Variants in PLA2R1 observed in about 807,000 individuals in gnomAD.
The protein encoded by PLA2R1 is secretory phospholipase A2 receptor.
Under a neutral mutation model 195.9 loss-of-function variants are expected in PLA2R1, and 158 were observed. The ratio of observed to expected loss-of-function variants is 0.81; its 90% confidence interval spans 0.71 to 0.92. The LOEUF (loss-of-function observed/expected upper bound fraction) is 0.92. PLA2R1 is among the 40% of genes least tolerant of loss of function. PLA2R1 has a pLI of 0.00. For missense variants in PLA2R1, 1,626 were observed against 1,764.6 expected (o/e 0.92, Z 1.41); for synonymous variants, 586 against 598.2 (o/e 0.98, Z 0.30).
chr2:159,958,687 A>T (rs1340408474), intron 20 of PLA2R1, among the ~76,000 whole-genome samples: 1 of 152,212 alleles, frequency 6.6e-6, no homozygotes, highest in South Asian at 2.1e-4. Flanking sequence ...AATTTAGCTC[A>T]GTGGTTCTCC....
rs1012227876 is a variant in PLA2R1, at chr2:159,937,681, C to T, written c.*4097G>A. ...AGCTTGTTCTCTGACAATAGTCAGG[C>T]AGTGGATGAGATAAATTTTCAAATG... On this transcript the variant is annotated 3_prime_UTR_variant, in exon 30 of 30. Transcript: ENST00000283243. 6.6e-6 allele frequency: 1 copy of T among 152,190 alleles called. No individual in the cohort carries two copies. Among genetic ancestry groups the T allele is most frequent in the Non-Finnish European group, 1.5e-5 (1 of 68,028 alleles). The allele number at this position is 152,190 out of a possible 1,614,324, so 9.4% of individuals were successfully genotyped here.
chr2:159,929,872 G>GTGTA (rs147413130), downstream of PLA2R1, among the ~76,000 whole-genome samples: 48 of 148,232 alleles, frequency 3.2e-4, no homozygotes, highest in South Asian at 1.7e-3. Context: ...GTGTGTGTGT[G>GTGTA]TATATATATA....
At chr2:160,062,261 G>T in intron 1 of PLA2R1, 34 bp downstream of exon 1, 2 of 663,742 alleles carry the variant, frequency 3.0e-6, no homozygotes, top group Non-Finnish European at 4.2e-6. Context: ...CCTCCCCAAC[G>T]TACCGATCCA....
intron 1 of PLA2R1, among the ~76,000 whole-genome samples, chr2:160,047,081 G>A (rs547812155): frequency 1.5e-4 from 23 of 152,238 alleles, no homozygotes; most frequent in African/African-American, 4.6e-4. Context: ...GCTCTGCAAC[G>A]TACTGACTGT....
intron 17 of PLA2R1, among the ~76,000 whole-genome samples, chr2:159,972,590 A>G (rs374437001): frequency 1.6e-4 from 25 of 152,320 alleles, no homozygotes; most frequent in African/African-American, 5.8e-4. Flanking sequence ...ATGACAAATG[A>G]TATTTTGGAG....
At chr2:160,013,701 C>G (rs1242332319) in intron 9 of PLA2R1, among the ~76,000 whole-genome samples, 3,537 of 130,062 alleles carry the variant, frequency 0.027, 75 homozygotes, top group Non-Finnish European at 0.035. Context: ...CTCTCTCTCT[C>G]TGTCTCTCTC....
Position 159,952,251 on chromosome 2 carries a change from A to G in PLA2R1, c.3302-673T>C, listed in dbSNP as rs543167684. ...ACGTTGTCAAGCATTGGTGCTTGAGAGTCTGTGAGTGGCTGTGATCATGTG... is the reference window on the plus strand; with the variant it reads ...ACGTTGTCAAGCATTGGTGCTTGAGGGTCTGTGAGTGGCTGTGATCATGTG... On this transcript the variant is annotated intron_variant, in intron 23 of 29. Transcript: ENST00000283243. Among the ~76,000 whole-genome samples, 4 of 152,308 alleles carry G rather than the reference A, an allele frequency of 2.6e-5. No individual in the cohort carries two copies. The South Asian group carries it at 8.3e-4, about 32-fold the overall frequency.
At chr2:160,045,200 A>G (rs1467379224) in intron 1 of PLA2R1, 43 bp from the exon 2 acceptor site, 4 of 1,457,706 alleles carry the variant, frequency 2.7e-6, no homozygotes, top group Non-Finnish European at 3.8e-6. Flanking sequence ...TTTCATATAT[A>G]ATTAACTAGC....
intron 10 of PLA2R1, among the ~76,000 whole-genome samples, chr2:160,007,130 C>T (rs879414508): frequency 3.4e-4 from 52 of 152,204 alleles, no homozygotes; most frequent in Non-Finnish European, 7.2e-4. Context: ...ATCATACTGG[C>T]AGAACCTTAT....
rs777177282 is a variant in PLA2R1 at position 159,969,329 on chromosome 2, CT to C, written c.2690del (p.Gln897ArgfsTer11). The C allele has an allele frequency of 1.2e-5, 19 of 1,606,000 alleles. 1 individual carries two copies. In the South Asian group the frequency reaches 2.1e-4, roughly 18 times the overall value. ...RWRDGTPVIY[Q>X]NWDTGRERTV... ...TTCTTTCTCTTCCTGTGTCCCAGTT[CT>C]GGTATATCACTGGTGTTCCATCTCT... is the stretch of plus-strand genomic sequence containing the variant. On this transcript the variant is annotated frameshift_variant, in exon 19 of 30. Coordinates refer to ENST00000283243, the MANE Select transcript of PLA2R1 (RefSeq NM_007366.5). LOFTEE classifies it high-confidence loss of function.
chr2:159,942,055 C>G (rs2125914951), intron 29 of PLA2R1, 63 bp from the exon 30 acceptor site: 1 of 1,553,622 alleles, frequency 6.4e-7, no homozygotes, highest in Admixed American at 1.7e-5. Flanking sequence ...AATATAGATA[C>G]TGTCATACAG....
At chr2:159,944,148 G>A (rs997488664) in intron 28 of PLA2R1, among the ~76,000 whole-genome samples, 1 of 152,128 alleles carries the variant, frequency 6.6e-6, no homozygotes, top group African/African-American at 2.4e-5. Flanking sequence ...CCCCTGACGT[G>A]AGCCCTTTGC....
At chr2:159,983,547 C>T (rs1209967426) in intron 13 of PLA2R1, among the ~76,000 whole-genome samples, 5 of 151,114 alleles carry the variant, frequency 3.3e-5, no homozygotes, top group African/African-American at 1.2e-4. Flanking sequence ...TCTGGTGAGG[C>T]GTGGAAGGAA....
intron 10 of PLA2R1, among the ~76,000 whole-genome samples, chr2:160,010,629 C>T (rs933281094): frequency 5.9e-4 from 90 of 152,162 alleles, no homozygotes; most frequent in African/African-American, 2.0e-3. Context: ...AAATGATTAC[C>T]ATGGCCACTA....
intron 23 of PLA2R1, 76 bp downstream of exon 23, chr2:159,955,123 C>T: frequency 2.7e-6 from 3 of 1,104,984 alleles, no homozygotes; most frequent in Non-Finnish European, 4.0e-6. Flanking sequence ...ATTAGCTACA[C>T]AGCTGTGTAA....
At chr2:160,007,570 G>A (rs1223463897) in intron 10 of PLA2R1, among the ~76,000 whole-genome samples, 3 of 152,236 alleles carry the variant, frequency 2.0e-5, no homozygotes, top group East Asian at 3.9e-4. Flanking sequence ...CAGGAAGAAC[G>A]ATGTGGAGTT....
chr2:160,045,110 G>C lies in PLA2R1; in HGVS notation c.157C>G (p.Gln53Glu). 6.2e-7 allele frequency: 1 copy of C among 1,611,328 alleles called. No homozygotes were observed. The highest frequency in any genetic ancestry group is 8.5e-7 in the Non-Finnish European group (1 of 1,177,640). Residue 53 changes from glutamine (Q) to glutamate (E), a missense_variant, in exon 2 of 30, where the codon CAA (glutamine) becomes GAA (glutamate). Coordinates refer to ENST00000283243, the MANE Select transcript of PLA2R1 (RefSeq NM_007366.5). ...AGGGTCAGAACCGATTTACCTGCTT[G>C]AATGCATTTCTTGAGACTCTCACTT... ...IQSESLKKCI[Q>E]AGKSVLTLEN... is the part of the protein sequence containing the mutation.
intron 2 of PLA2R1, among the ~76,000 whole-genome samples, chr2:160,042,475 A>T (rs950435647): frequency 2.0e-5 from 3 of 152,174 alleles, no homozygotes; most frequent in Non-Finnish European, 4.4e-5. Context: ...ATATTTGTGG[A>T]TGGATGAGAA....
Position 160,005,647 on chromosome 2 carries a change from C to G in PLA2R1, c.1834+5G>C, listed in dbSNP as rs1255970627. The G allele has an allele frequency of 6.2e-7, 1 of 1,611,606 alleles. No individual in the cohort carries two copies. The highest frequency in any genetic ancestry group is 8.5e-7 in the Non-Finnish European group (1 of 1,178,300). ...AGGGTTGGTGATGCAGCACACTCTACTCACGCGGCTGGTGTGTGTTCCAGT... is the reference window on the plus strand; with the variant it reads ...AGGGTTGGTGATGCAGCACACTCTAGTCACGCGGCTGGTGTGTGTTCCAGT... On this transcript the variant is annotated splice_donor_5th_base_variant and intron_variant, in intron 11 of 29. Transcript: ENST00000283243.
Sources: allele counts gnomAD v4.1 joint callset (sites outside exome capture counted in the v4.1 genomes callset), GRCh38; gene constraint gnomAD v4.1.1; transcripts MANE v1.5; gene names NCBI Gene and HGNC (gene_info 2026-07-23, HGNC 2026-07-21).